CKMT2: variants seen among roughly 807,000 people sequenced by gnomAD.
CKMT2 encodes creatine kinase, mitochondrial 2, also known as creatine kinase S-type, mitochondrial.
Under a neutral mutation model 48.9 loss-of-function variants are expected in CKMT2, and 43 were observed. The ratio of observed to expected loss-of-function variants is 0.88; its 90% CI spans 0.69 to 1.13. The LOEUF is 1.13. Ranked by LOEUF, CKMT2 falls within the 50% of genes most tolerant of loss-of-function variation. The pLI is 0.00. For synonymous variants in CKMT2, 206 were observed against 213.0 expected (o/e 0.97, Z 0.29); for missense variants, 472 against 555.4 (o/e 0.85, Z 1.51).
chr5:81,244,097 C>T (rs1756529965), intron 1 of CKMT2: 2 of 985,394 alleles, frequency 2.0e-6, no homozygotes, highest in South Asian at 4.7e-5. Flanking sequence ...TGGGGAGGAA[C>T]CAGGGGAGAT....
At chr5:81,236,843 G>GAGAT (rs1421816542) in intron 1 of CKMT2, among the ~76,000 whole-genome samples, 2 of 152,208 alleles carry the variant, frequency 1.3e-5, no homozygotes, top group Non-Finnish European at 2.9e-5. Flanking sequence ...CTTGTCCGCA[G>GAGAT]AGATAGAAAA....
chr5:81,241,477 GA>G (rs1180605410), intron 1 of CKMT2, among the ~76,000 whole-genome samples: 1 of 152,164 alleles, frequency 6.6e-6, no homozygotes, highest in Non-Finnish European at 1.5e-5. Flanking sequence ...AGACATCAAG[GA>G]AGATAGCTCC....
intron 1 of CKMT2, among the ~76,000 whole-genome samples, chr5:81,248,198 T>C (rs976736883): frequency 3.3e-5 from 5 of 152,196 alleles, no homozygotes; most frequent in South Asian, 2.1e-4. Flanking sequence ...TATCAGTGCA[T>C]AGGCAATTTA....
At chr5:81,250,623 C>T (rs1216210547) in intron 1 of CKMT2, 2 of 152,298 alleles carry the variant, frequency 1.3e-5, no homozygotes, top group Non-Finnish European at 2.9e-5. Context: ...ATGGGGGAAT[C>T]CCAGTCTCAG....
intron 9 of CKMT2, 40 bp from the exon 10 acceptor site, chr5:81,266,099 T>G (rs1411476370): frequency 1.2e-6 from 2 of 1,602,648 alleles, no homozygotes; most frequent in Non-Finnish European, 1.7e-6. Flanking sequence ...CTGCAGATGC[T>G]TCTATTCAAA....
chr5:81,260,584 C>T (rs1320677802), intron 8 of CKMT2, among the ~76,000 whole-genome samples: 1 of 152,194 alleles, frequency 6.6e-6, no homozygotes, highest in Non-Finnish European at 1.5e-5. Flanking sequence ...ATACTATAAA[C>T]ACCTCTGTGC....
intron 8 of CKMT2, 177 bp downstream of exon 8, chr5:81,259,431 G>C: frequency 2.0e-6 from 1 of 498,440 alleles, no homozygotes; most frequent in South Asian, 5.8e-5. Flanking sequence ...TAGAATAAAA[G>C]GTTCAGGGGC....
intron 1 of CKMT2, chr5:81,238,901 C>G (rs749350072): frequency 6.6e-6 from 1 of 152,236 alleles, no homozygotes; most frequent in East Asian, 1.9e-4. Context: ...CTGTCTCCCC[C>G]ACCTGGCTGT....
At position 81,259,249 on chromosome 5, in the gene CKMT2, A is replaced by G; in HGVS notation, c.1009A>G (p.Ser337Gly). ...AGVHVRIPKLSKDPRFSKILE... is the reference protein window; with the variant it reads ...AGVHVRIPKLGKDPRFSKILE... ...TGTCCACGTTAGGATCCCAAAGCTC[A>G]GCAAGGTACTGTTATGTGCCCAGTG... is the stretch of plus-strand genomic sequence containing the variant. The change falls in exon 8 of 10, where the codon AGC becomes GGC. Residue 337 changes from serine to glycine, a missense_variant. Ser to Gly is a moderately conservative substitution (Grantham distance 56). Coordinates refer to ENST00000254035, the MANE Select transcript of CKMT2 (RefSeq NM_001099735.2). The G allele has an allele frequency of 6.2e-7, 1 of 1,613,822 alleles. No homozygotes were observed. Among genetic ancestry groups the G allele is most frequent in the Non-Finnish European group, 8.5e-7 (1 of 1,179,828 alleles).
At position 81,246,015 on chromosome 5, in the gene CKMT2, C is replaced by G. The variant is rs549186743; in HGVS notation, c.-20-5098C>G. On this transcript the variant is annotated intron_variant, in intron 1 of 9. Coordinates refer to ENST00000254035, the MANE Select transcript of CKMT2 (RefSeq NM_001099735.2). ...CCCCAGAATAGACTGCAAATACATTCTCTCTCATCCTCGCTGACTCACCTG... is the reference window on the plus strand; with the variant it reads ...CCCCAGAATAGACTGCAAATACATTGTCTCTCATCCTCGCTGACTCACCTG... Among the ~76,000 whole-genome samples the G allele has an allele frequency of 5.3e-5, 8 of 152,134 alleles. No individual in the cohort carries two copies. The East Asian group carries it at 1.6e-3, about 30-fold the overall frequency.
intron 1 of CKMT2, chr5:81,238,744 A>C (rs1002662736): frequency 7.2e-5 from 11 of 152,298 alleles, no homozygotes; most frequent in Non-Finnish European, 1.3e-4. Flanking sequence ...CCCTTTATCC[A>C]CCAGGCAAGG....
At position 81,233,551 on chromosome 5, in the gene CKMT2, C is replaced by T. The variant is rs1756168634; in HGVS notation, c.-21+174C>T. ...AAGCCAGCAGAGCTCCCGCCCTTGG[C>T]CGAAGCGACCCCTCCTCCCTGCACA... is the stretch of plus-strand genomic sequence containing the variant. On this transcript the variant is annotated intron_variant, in intron 1 of 9. Coordinates refer to ENST00000254035, the MANE Select transcript of CKMT2 (RefSeq NM_001099735.2). Among the ~76,000 whole-genome samples, 2 of 152,182 alleles carry T rather than the reference C, an allele frequency of 1.3e-5. 1 individual carries two copies. Among genetic ancestry groups the T allele is most frequent in the South Asian group, 4.1e-4 (2 of 4,824 alleles).
chr5:81,250,812 C>T, intron 1 of CKMT2: 1 of 181,442 alleles, frequency 5.5e-6, no homozygotes, highest in Non-Finnish European at 1.2e-5. Context: ...ATCCCTGCTG[C>T]TGTTTATTTT....
intron 3 of CKMT2, among the ~76,000 whole-genome samples, chr5:81,253,978 G>A (rs914027624): frequency 3.3e-5 from 5 of 152,222 alleles, no homozygotes; most frequent in African/African-American, 7.2e-5. Context: ...TTTAGAATCT[G>A]ACTTTCCCTT....
At chr5:81,263,201 C>T (rs1386149958) in intron 8 of CKMT2, among the ~76,000 whole-genome samples, 2 of 151,858 alleles carry the variant, frequency 1.3e-5, no homozygotes, top group Non-Finnish European at 2.9e-5. Flanking sequence ...GGAGGGATAG[C>T]ATTAGGAGAA....
chr5:81,243,471 C>T (rs2112788732), intron 1 of CKMT2, among the ~76,000 whole-genome samples: 1 of 152,216 alleles, frequency 6.6e-6, no homozygotes, highest in East Asian at 1.9e-4. Flanking sequence ...AAAATAGAAA[C>T]AGCAAACCAA....
At chr5:81,250,452 G>T (rs1464556282) in intron 1 of CKMT2, among the ~76,000 whole-genome samples, 1 of 152,198 alleles carries the variant, frequency 6.6e-6, no homozygotes, top group Admixed American at 6.5e-5. Flanking sequence ...TGTGTTTGGT[G>T]ATCTTTGGGA....
At chr5:81,247,639 T>C (rs1235320736) in intron 1 of CKMT2, among the ~76,000 whole-genome samples, 5 of 152,256 alleles carry the variant, frequency 3.3e-5, no homozygotes, top group African/African-American at 4.8e-5. Flanking sequence ...TTGGAGAGCA[T>C]GGAACAGCCA....
chr5:81,255,290 G>C, intron 5 of CKMT2, 76 bp downstream of exon 5: 4 of 1,314,626 alleles, frequency 3.0e-6, no homozygotes, highest in South Asian at 2.5e-5. Flanking sequence ...CTCTCCTGGT[G>C]CTCTGCTCAG....
Sources: allele counts gnomAD v4.1 joint callset (sites outside exome capture counted in the v4.1 genomes callset), GRCh38; gene constraint gnomAD v4.1.1; transcripts MANE v1.5; gene names NCBI Gene and HGNC (gene_info 2026-07-23, HGNC 2026-07-21).